The following ARID4B variants were observed in gnomAD, a reference collection of about 807,000 sequenced individuals.
The protein encoded by ARID4B is AT-rich interactive domain-containing protein 4B.
Under a neutral mutation model 147.5 loss-of-function variants are expected in ARID4B, and 26 were observed. That is an observed-to-expected ratio of 0.18 (90% CI 0.13 to 0.24). The LOEUF is 0.24. ARID4B is among the 10% of genes least tolerant of loss of function. The pLI is 1.00. For missense variants in ARID4B, 1,179 were observed against 1,511.5 expected (o/e 0.78, Z 3.65); for synonymous variants, 512 against 507.9 (o/e 1.01, Z -0.11).
At chr1:235,293,904 G>C (rs932396412) in intron 2 of ARID4B, among the ~76,000 whole-genome samples, 1 of 152,230 alleles carries the variant, frequency 6.6e-6, no homozygotes, top group African/African-American at 2.4e-5. Flanking sequence ...ATGTAATCTG[G>C]AAGTCTGACT....
At chr1:235,197,467 A>G (rs1479269930) in intron 17 of ARID4B, among the ~76,000 whole-genome samples, 1 of 152,200 alleles carries the variant, frequency 6.6e-6, no homozygotes, top group Non-Finnish European at 1.5e-5. Context: ...GGTACAAACT[A>G]CTGGCTTGTA....
At chr1:235,171,411 C>T (rs534321604) in intron 23 of ARID4B, among the ~76,000 whole-genome samples, 63 of 151,796 alleles carry the variant, frequency 4.2e-4, no homozygotes, top group African/African-American at 1.4e-3. Context: ...CCAGCCTGGG[C>T]GACAGAGCAA....
At chr1:235,309,020 A>G (rs1673805174) in intron 2 of ARID4B, among the ~76,000 whole-genome samples, 1 of 133,382 alleles carries the variant, frequency 7.5e-6, no homozygotes, top group African/African-American at 3.3e-5. Context: ...CATCCCATCT[A>G]GGAAGTGAGG....
At chr1:235,201,107 T>C (rs1256690570) in intron 17 of ARID4B, among the ~76,000 whole-genome samples, 1 of 151,984 alleles carries the variant, frequency 6.6e-6, no homozygotes, top group Non-Finnish European at 1.5e-5. Context: ...ATCGCACCAC[T>C]GTGCTCCAGC....
chr1:235,250,576 T>C lies in ARID4B; in HGVS notation c.354+2154A>G, dbSNP rs548356924. On this transcript the variant is annotated intron_variant, in intron 6 of 23. Transcript: ENST00000264183. ...ATGGCTTGGTTTGATTAATGCTTTT[T>C]CTCCTCCAACAGGGAGTAAGTACCC... 1.8e-4 allele frequency among the ~76,000 whole-genome samples: 28 copies of C among 152,286 alleles called. No individual in the cohort carries two copies. The South Asian group carries it at 4.4e-3, about 24-fold the overall frequency.
At chr1:235,233,907 C>T (rs778298193) in intron 9 of ARID4B, among the ~76,000 whole-genome samples, 15 of 152,194 alleles carry the variant, frequency 9.9e-5, no homozygotes, top group African/African-American at 3.6e-4. Flanking sequence ...AGTGAATCCC[C>T]GTCTCTATTA....
At chr1:235,306,939 C>T (rs146699059) in intron 2 of ARID4B, among the ~76,000 whole-genome samples, 18 of 152,152 alleles carry the variant, frequency 1.2e-4, no homozygotes. Flanking sequence ...GGATTACAGG[C>T]ATTAGACACT....
chr1:235,281,377 C>G (rs1451913662), intron 2 of ARID4B, among the ~76,000 whole-genome samples: 1 of 152,070 alleles, frequency 6.6e-6, no homozygotes, highest in African/African-American at 2.4e-5. Context: ...GTGGTGAAAC[C>G]CTGTCTCTAC....
intron 2 of ARID4B, among the ~76,000 whole-genome samples, chr1:235,302,376 CAGAA>C (rs944411646): frequency 2.9e-4 from 44 of 150,698 alleles, no homozygotes; most frequent in African/African-American, 1.0e-3. Flanking sequence ...GACAGAAAGA[CAGAA>C]AGAATTTAGT....
chr1:235,191,184 T>C (rs1665076963), intron 19 of ARID4B, among the ~76,000 whole-genome samples: 1 of 151,520 alleles, frequency 6.6e-6, no homozygotes, highest in African/African-American at 2.4e-5. Flanking sequence ...ATATATAGAG[T>C]AGTCTGCTAC....
intron 2 of ARID4B, among the ~76,000 whole-genome samples, chr1:235,293,268 T>C (rs1256184439): frequency 6.6e-6 from 1 of 152,204 alleles, no homozygotes; most frequent in Non-Finnish European, 1.5e-5. Context: ...TCCTCTCTTA[T>C]TTTTTACTAT....
chr1:235,175,089 G>C, intron 22 of ARID4B, 95 bp downstream of exon 22: 1 of 1,131,720 alleles, frequency 8.8e-7, no homozygotes, highest in East Asian at 2.4e-5. Context: ...CCTGGTGACA[G>C]AGCGAGACTC....
chr1:235,267,570 C>T lies in ARID4B; in HGVS notation c.7-6818G>A, dbSNP rs926712019. Among the ~76,000 whole-genome samples the T allele has an allele frequency of 8.5e-5, 13 of 152,214 alleles. No homozygotes were observed. In the Middle Eastern group the frequency reaches 0.01, roughly 119 times the overall value. On this transcript the variant is annotated intron_variant, in intron 2 of 23. Coordinates refer to ENST00000264183, the MANE Select transcript of ARID4B (RefSeq NM_016374.6). Reference sequence around the variant, plus strand: ...AACCATGGCCAGGTGTGGTGGCTCACGCCTGTAATCCCAGCACTCTGGGAG... The same window carrying T: ...AACCATGGCCAGGTGTGGTGGCTCATGCCTGTAATCCCAGCACTCTGGGAG...
chr1:235,224,697 A>T lies in ARID4B; in HGVS notation c.970+6T>A. The T allele has an allele frequency of 4.6e-6, 7 of 1,517,580 alleles. No homozygotes were observed. The highest frequency in any genetic ancestry group is 6.4e-6 in the Non-Finnish European group (7 of 1,097,404). 94.0% of individuals were successfully genotyped at this position (1,517,580 alleles called of 1,614,324 possible). On this transcript the variant is annotated splice_donor_region_variant and intron_variant, in intron 12 of 23. Coordinates refer to ENST00000264183, the MANE Select transcript of ARID4B (RefSeq NM_016374.6). ...ACCACGTTAATGATAAATAAAAAAT[A>T]CTCACCTCTATCTTCCATAAATTTG...
intron 2 of ARID4B, among the ~76,000 whole-genome samples, chr1:235,325,835 AG>A (rs1368222090): frequency 8.5e-5 from 13 of 152,366 alleles, no homozygotes; most frequent in African/African-American, 2.9e-4. Flanking sequence ...TAGTAGACCA[AG>A]ATTTAAGTAG....
At chr1:235,209,412 A>G (rs1305395249) in intron 17 of ARID4B, among the ~76,000 whole-genome samples, 1 of 152,184 alleles carries the variant, frequency 6.6e-6, no homozygotes, top group Non-Finnish European at 1.5e-5. Context: ...CGGAGGTGAC[A>G]GTGAGATGAT....
intron 17 of ARID4B, among the ~76,000 whole-genome samples, chr1:235,198,866 G>A (rs774064697): frequency 6.6e-6 from 1 of 152,206 alleles, no homozygotes; most frequent in Non-Finnish European, 1.5e-5. Context: ...TTGGAAGGCT[G>A]AGGTGGACAG....
intron 2 of ARID4B, among the ~76,000 whole-genome samples, chr1:235,290,144 A>G (rs755387911): frequency 2.0e-5 from 3 of 152,164 alleles, no homozygotes; most frequent in Admixed American, 6.5e-5. Flanking sequence ...GTTAGCCTTC[A>G]TATTGCTGCT....
chr1:235,232,955 A>G (rs1403249409), intron 9 of ARID4B, among the ~76,000 whole-genome samples: 1 of 152,026 alleles, frequency 6.6e-6, no homozygotes, highest in Non-Finnish European at 1.5e-5. Context: ...CTCCTGCCTC[A>G]GCCTCCCTAG....
Sources: allele counts gnomAD v4.1 joint callset (sites outside exome capture counted in the v4.1 genomes callset), GRCh38; gene constraint gnomAD v4.1.1; transcripts MANE v1.5; gene names NCBI Gene and HGNC (gene_info 2026-07-23, HGNC 2026-07-21).